The following PCDH15 variants were observed in gnomAD, a reference collection of about 807,000 sequenced individuals.
The protein encoded by PCDH15 is protocadherin-15.
A neutral mutation model predicts 178.5 loss-of-function variants in PCDH15; 129 were observed. The ratio of observed to expected loss-of-function variants is 0.72; its 90% CI spans 0.63 to 0.84. The LOEUF (loss-of-function observed/expected upper bound fraction) is 0.84. Ranked by LOEUF, PCDH15 falls within the 40% of genes least tolerant of loss-of-function variation. The probability of loss-of-function intolerance (pLI) is 0.00; values close to 1 mark genes in which losing one functional copy is unlikely to be tolerated. For synonymous variants in PCDH15, 800 were observed against 732.0 expected, an observed-to-expected ratio of 1.09 and a Z score of -1.50; for missense variants, 2,230 against 2,099.9, an observed-to-expected ratio of 1.06 and a Z score of -1.21.
intron 2 of PCDH15, among the ~76,000 whole-genome samples, chr10:55,461,064 A>G (rs940761846): frequency 6.6e-6 from 1 of 152,130 alleles, no homozygotes; most frequent in Admixed American, 6.6e-5. Flanking sequence ...AGCTCCAGAC[A>G]CTACTATCTC....
chr10:54,183,580 T>C lies in PCDH15; in HGVS notation c.1454A>G (p.Asp485Gly). 3 of 1,613,962 alleles carry C rather than the reference T, an allele frequency of 1.9e-6. No homozygotes were observed. The South Asian group carries it at 3.3e-5, about 18-fold the overall frequency. Residue 485 changes from aspartate to glycine, a missense_variant, in exon 13 of 38, where the codon GAT (aspartate) becomes GGT (glycine). Physicochemically the swap from Asp to Gly is moderately conservative, Grantham distance 94 (BLOSUM62 -1). Transcript: ENST00000644397. The part of the protein sequence containing the change: ...QTYTFSITAF[D>G]GVQESEPVIV... ...GACTGGCTCACTTTCTTGTACACCA[T>C]CAAATGCTGTTATCTTTGGGAGGAG... is the stretch of plus-strand genomic sequence containing the variant.
chr10:54,697,685 A>AAGGG lies in PCDH15; in HGVS notation c.-28-33399_-28-33396dup, dbSNP rs1555156461. On this transcript the variant is annotated intron_variant, in intron 1 of 37. Transcript: ENST00000644397. The stretch of plus-strand genomic sequence containing the variant: ...GGGGAAGGGGGAAGGGGAAGGGAGG[A>AAGGG]AGGGAGGAAGGGAGGAAGGGAGGGA... Among the ~76,000 whole-genome samples, 40 of 75,700 alleles carry AAGGG rather than the reference A, an allele frequency of 5.3e-4. 1 individual carries two copies. Among genetic ancestry groups the AAGGG allele is most frequent in the South Asian group, 2.8e-3 (4 of 1,450 alleles). The allele number at this position is 75,700 out of a possible 152,430, so 49.7% of individuals were successfully genotyped here. A position where few individuals can be genotyped will look rare whatever the true frequency, so the allele number is the denominator to read the frequency against.
intron 3 of PCDH15, among the ~76,000 whole-genome samples, chr10:54,890,884 A>T (rs1230046230): frequency 6.6e-6 from 1 of 152,088 alleles, no homozygotes; most frequent in Non-Finnish European, 1.5e-5. Flanking sequence ...GAAAAACTAC[A>T]GCTGCTGTAA....
At chr10:53,993,801 T>G (rs2091676906) in intron 21 of PCDH15, among the ~76,000 whole-genome samples, 1 of 152,200 alleles carries the variant, frequency 6.6e-6, no homozygotes, top group South Asian at 2.1e-4. Flanking sequence ...AGCTCAATTC[T>G]GATCATAGCT....
In PCDH15 at chr10:55,592,771, C is replaced by T. The variant is rs545562502; in HGVS notation, c.-156+34854G>A. On this transcript the variant is annotated intron_variant, in intron 2 of 5. Coordinates refer to the PCDH15 transcript ENST00000613346. ...TTTTTCAAAAATACACTTAAAACTA[C>T]GTCAAACTGTTATTTAATTATGTAA... is the stretch of plus-strand genomic sequence containing the variant. Among the ~76,000 whole-genome samples the T allele has an allele frequency of 7.2e-5, 11 of 152,148 alleles. No individual in the cohort carries two copies. The South Asian group carries it at 1.0e-3, about 14-fold the overall frequency.
chr10:55,141,317 GA>G (rs1352404276), intron 2 of PCDH15, among the ~76,000 whole-genome samples: 1 of 151,808 alleles, frequency 6.6e-6, no homozygotes, highest in Non-Finnish European at 1.5e-5. Context: ...GATGCCAAAG[GA>G]AAAAGATACC....
Position 54,862,934 on chromosome 10 carries a change from A to G in PCDH15, c.-29+34516T>C, listed in dbSNP as rs569274027. Among the ~76,000 whole-genome samples the G allele has an allele frequency of 5.9e-5, 9 of 152,280 alleles. No homozygotes were observed. In the South Asian group the frequency reaches 8.3e-4, roughly 14 times the overall value. On this transcript the variant is annotated intron_variant, in intron 3 of 5. Coordinates refer to the PCDH15 transcript ENST00000458638. ...TTATAGTAACACAAAATTAACAGAG[A>G]CATCAGCCATTTTTGAAAGGATACA...
chr10:53,838,236 A>C (rs2077427050), intron 29 of PCDH15, among the ~76,000 whole-genome samples: 1 of 152,034 alleles, frequency 6.6e-6, no homozygotes, highest in Non-Finnish European at 1.5e-5. Context: ...CGGCCTCCCA[A>C]AGTGCTGGGA....
intron 1 of PCDH15, among the ~76,000 whole-genome samples, chr10:55,218,494 G>A (rs779353968): frequency 5.9e-5 from 9 of 151,994 alleles, no homozygotes; most frequent in Non-Finnish European, 1.2e-4. Context: ...CTTGCCTTTG[G>A]TCTGGAGAAC....
intron 2 of PCDH15, among the ~76,000 whole-genome samples, chr10:54,593,508 C>A (rs1250887312): frequency 1.3e-5 from 2 of 152,004 alleles, no homozygotes; most frequent in African/African-American, 4.8e-5. Flanking sequence ...TTTCTGGGCT[C>A]TCTGTTTTCT....
chr10:55,056,576 T>C (rs933118540), intron 2 of PCDH15, among the ~76,000 whole-genome samples: 2 of 150,310 alleles, frequency 1.3e-5, no homozygotes, highest in Non-Finnish European at 3.0e-5. Context: ...TTCTTCATTG[T>C]TTTTAATCAC....
intron 25 of PCDH15, among the ~76,000 whole-genome samples, chr10:53,918,808 G>A (rs2083754930): frequency 1.3e-5 from 2 of 151,410 alleles, no homozygotes; most frequent in Admixed American, 6.6e-5. Flanking sequence ...ATAGATTACG[G>A]CAAAATTAGT....
chr10:55,289,503 G>A (rs1242449334), intron 1 of PCDH15, among the ~76,000 whole-genome samples: 4 of 151,392 alleles, frequency 2.6e-5, no homozygotes, highest in Non-Finnish European at 5.9e-5. Flanking sequence ...AAGAAGGAAA[G>A]AAGAAAGAAA....
At chr10:54,335,620 T>C (rs1341740804) in intron 6 of PCDH15, among the ~76,000 whole-genome samples, 2 of 152,254 alleles carry the variant, frequency 1.3e-5, no homozygotes, top group Non-Finnish European at 2.9e-5. Context: ...AATTCTCTCT[T>C]AGTCTGCTTC....
chr10:55,621,847 A>T, intron 2 of PCDH15, among the ~76,000 whole-genome samples: 1 of 151,046 alleles, frequency 6.6e-6, no homozygotes, highest in East Asian at 1.9e-4. Context: ...AAACTCTAAC[A>T]TCATATGTAT....
At chr10:54,671,781 A>G (rs765144530) in intron 1 of PCDH15, among the ~76,000 whole-genome samples, 11 of 152,178 alleles carry the variant, frequency 7.2e-5, no homozygotes, top group Non-Finnish European at 1.6e-4. Context: ...TTTCAGTCTA[A>G]CAGAGTGTGA....
At chr10:55,377,850 A>C (rs982629204) in intron 2 of PCDH15, among the ~76,000 whole-genome samples, 1 of 152,176 alleles carries the variant, frequency 6.6e-6, no homozygotes, top group African/African-American at 2.4e-5. Flanking sequence ...AATGTGGCAC[A>C]TATAAATCAT....
At chr10:54,819,270 A>G (rs1024680454) in intron 3 of PCDH15, among the ~76,000 whole-genome samples, 1 of 152,100 alleles carries the variant, frequency 6.6e-6, no homozygotes, top group African/African-American at 2.4e-5. Flanking sequence ...CAAATATTAT[A>G]TGCAAATAAT....
chr10:55,231,099 A>G (rs973052314), intron 1 of PCDH15, among the ~76,000 whole-genome samples: 1 of 152,038 alleles, frequency 6.6e-6, no homozygotes, highest in Non-Finnish European at 1.5e-5. Flanking sequence ...AAACTAATAT[A>G]CGTAGCCAGA....
Sources: gnomAD v4.1 joint callset for allele counts (sites outside exome capture counted in the v4.1 genomes callset) on GRCh38, gnomAD v4.1.1 for gene constraint, MANE v1.5 for transcripts, NCBI Gene and HGNC (gene_info 2026-07-23, HGNC 2026-07-21) for gene names.